The following TBX21 variants were observed in gnomAD, a reference collection of about 807,000 sequenced individuals.
TBX21 encodes T-box transcription factor 21, also known as T-box transcription factor TBX21.
A neutral mutation model predicts 52.2 loss-of-function variants in TBX21; 11 were observed. That is an observed-to-expected ratio of 0.21 (90% CI 0.13 to 0.35). The LOEUF (loss-of-function observed/expected upper bound fraction) is 0.35. Ranked by LOEUF, TBX21 falls within the 10% of genes least tolerant of loss-of-function variation. The pLI is 1.00. For missense variants in TBX21, 625 were observed against 755.1 expected (o/e 0.83, Z 2.02); for synonymous variants, 300 against 316.1 (o/e 0.95, Z 0.54).
chr17:47,734,784 C>G (rs1034529218), intron 1 of TBX21, among the ~76,000 whole-genome samples: 3 of 151,814 alleles, frequency 2.0e-5, no homozygotes, highest in African/African-American at 7.3e-5. Flanking sequence ...AAAACCTTCC[C>G]CACACTCCTG....
Position 47,733,358 on chromosome 17 carries a change from C to T in TBX21, c.-97C>T. On this transcript the variant is annotated 5_prime_UTR_variant, in exon 1 of 6. Transcript: ENST00000177694. The surrounding 1 kb of genome is among the most constrained non-coding windows in gnomAD (Gnocchi z 6.6). The stretch of plus-strand genomic sequence containing the variant: ...GTCCCCCACCCGGCCCTCGGGTCCC[C>T]CGCCCCCTGCTCCCTGCCCATCCCA... The T allele has an allele frequency of 7.4e-7, 1 of 1,342,882 alleles. No homozygotes were observed. The highest frequency in any genetic ancestry group is 9.5e-7 in the Non-Finnish European group (1 of 1,050,158). The allele number at this position is 1,342,882 out of a possible 1,614,324, so 83.2% of individuals were successfully genotyped here. A position where few individuals can be genotyped will look rare whatever the true frequency, so the allele number is the denominator to read the frequency against.
chr17:47,733,716 G>A lies in TBX21; in HGVS notation c.262G>A (p.Gly88Ser). ...PPRPQAAGFPGAGESFPPPAD... is the reference protein window; with the variant it reads ...PPRPQAAGFPSAGESFPPPAD... ...GCGACCCCAGGCGGCCGGCTTCCCC[G>A]GCGCGGGCGAGTCCTTCCCGCCGCC... is the stretch of plus-strand genomic sequence containing the variant. The change falls in exon 1 of 6, where the codon GGC becomes AGC. Residue 88 changes from glycine to serine, a missense_variant. Physicochemically the swap from Gly to Ser is moderately conservative, Grantham distance 56. Around this residue, in one of 4 missense-constraint regions of TBX21, gnomAD observed 221 missense variants for 204.9 expected, o/e 1.08. Coordinates refer to ENST00000177694, the MANE Select transcript of TBX21 (RefSeq NM_013351.2). This position sits in a 1 kb window ranked among gnomAD's most constrained non-coding sequence, Gnocchi z 6.6. The A allele has an allele frequency of 7.1e-7, 1 of 1,415,512 alleles. No homozygotes were observed. Among genetic ancestry groups the A allele is most frequent in the Non-Finnish European group, 9.2e-7 (1 of 1,085,532 alleles). The allele number at this position is 1,415,512 out of a possible 1,614,324, so 87.7% of individuals were successfully genotyped here. A position where few individuals can be genotyped will look rare whatever the true frequency, so the allele number is the denominator to read the frequency against.
At position 47,742,469 on chromosome 17, in the gene TBX21, C is replaced by A; in HGVS notation, c.492-141C>A. 1 of 1,007,226 alleles carries A rather than the reference C, an allele frequency of 9.9e-7. No homozygotes were observed. The allele number at this position is 1,007,226 out of a possible 1,614,324, so 62.4% of individuals were successfully genotyped here. A position where few individuals can be genotyped will look rare whatever the true frequency, so the allele number is the denominator to read the frequency against. On this transcript the variant is annotated intron_variant, in intron 1 of 5. Transcript: ENST00000177694. This position sits in a 1 kb window ranked among gnomAD's most constrained non-coding sequence, Gnocchi z 4.4. ...GTGTTTAACCACTGGCTGGCAAACT[C>A]CCTAAACACCTTCCAGCTGGTTCTT...
At chr17:47,734,614 TGTGTGTGG>T (rs1230633510) in intron 1 of TBX21, among the ~76,000 whole-genome samples, 192 of 111,206 alleles carry the variant, frequency 1.7e-3, no homozygotes, top group African/African-American at 4.1e-3. Flanking sequence ...TGTGTGTATG[TGTGTGTGG>T]GTGTGTGTGT....
Position 47,745,260 on chromosome 17 carries a change from G to A in TBX21, c.1502G>A (p.Arg501His), listed in dbSNP as rs769911299. Residue 501 changes from arginine to histidine, a missense_variant, in exon 6 of 6, where the codon CGC becomes CAC. Around this residue, in one of 4 missense-constraint regions of TBX21, gnomAD observed 261 missense variants for 275.1 expected, o/e 0.95. Coordinates refer to ENST00000177694, the MANE Select transcript of TBX21 (RefSeq NM_013351.2). The part of the protein sequence containing the change: ...GLGEGDSKRR[R>H]VSPYPSSGDS... ...GGCGAAGGAGACTCTAAGAGGAGGC[G>A]CGTGTCCCCCTATCCTTCCAGTGGT... The A allele has an allele frequency of 1.9e-5, 30 of 1,614,112 alleles. No individual in the cohort carries two copies. The highest frequency in any genetic ancestry group is 2.2e-5 in the Non-Finnish European group (26 of 1,180,052).
rs771127193 is a variant in TBX21, at chr17:47,733,544, C to A, written c.90C>A (p.Asp30Glu). ...GSDEGRAPGA[D>E]PQHRYFYPEP... is the part of the protein sequence containing the mutation. ...ACGAGGGCCGGGCGCCTGGCGCCGA[C>A]CCGCAGCACCGCTACTTCTACCCGG... Residue 30 changes from aspartate (D) to glutamate (E), a missense_variant, in exon 1 of 6, where the codon GAC becomes GAA. Coordinates refer to ENST00000177694, the MANE Select transcript of TBX21 (RefSeq NM_013351.2). The surrounding 1 kb of genome is among the most constrained non-coding windows in gnomAD (Gnocchi z 6.6). The A allele has an allele frequency of 3.4e-5, 51 of 1,490,110 alleles. No homozygotes were observed. The highest frequency in any genetic ancestry group is 2.3e-5 in the Admixed American group (1 of 44,140). 92.3% of individuals were successfully genotyped at this position (1,490,110 alleles called of 1,614,324 possible). A position where few individuals can be genotyped will look rare whatever the true frequency, so the allele number is the denominator to read the frequency against.
At position 47,744,372 on chromosome 17, in the gene TBX21, C is replaced by T. The variant is rs774733009; in HGVS notation, c.927+19C>T. 1 of 1,614,166 alleles carries T rather than the reference C, an allele frequency of 6.2e-7. No individual in the cohort carries two copies. Among genetic ancestry groups the T allele is most frequent in the Non-Finnish European group, 8.5e-7 (1 of 1,179,998 alleles). ...TGCCGAGGTGAGGGCTGCCTGAGCC[C>T]CGGTGGGGAGGAGGGCAGAGTGGGG... On this transcript the variant is annotated intron_variant, in intron 4 of 5. Coordinates refer to ENST00000177694, the MANE Select transcript of TBX21 (RefSeq NM_013351.2).
rs2032162603 is a variant in TBX21 at position 47,733,453 on chromosome 17, G to A, written c.-2G>A. 1 of 1,484,584 alleles carries A rather than the reference G, an allele frequency of 6.7e-7. No homozygotes were observed. Among genetic ancestry groups the A allele is most frequent in the South Asian group, 1.3e-5 (1 of 78,606 alleles). The allele number at this position is 1,484,584 out of a possible 1,614,324, so 92.0% of individuals were successfully genotyped here. On this transcript the variant is annotated 5_prime_UTR_variant, in exon 1 of 6. Transcript: ENST00000177694. This position sits in a 1 kb window ranked among gnomAD's most constrained non-coding sequence, Gnocchi z 6.6. The stretch of plus-strand genomic sequence containing the variant: ...CTACGGGAAGGTGCCAGCCCGCCCC[G>A]GATGGGCATCGTGGAGCCGGGTTGC...
chr17:47,744,693 C>T, intron 5 of TBX21, 55 bp from the exon 6 acceptor site: 1 of 1,597,758 alleles, frequency 6.3e-7, no homozygotes, highest in Admixed American at 1.7e-5. Context: ...CAGGTAGGCT[C>T]ACAGGTGACT....
In TBX21 at chr17:47,745,471, C is replaced by T; in HGVS notation, c.*105C>T. On this transcript the variant is annotated 3_prime_UTR_variant, in exon 6 of 6. Transcript: ENST00000177694. ...CTGAGAAGGCCCCCGCTCCCTCTGG[C>T]CCTTCTCTGTTTAGTAGTTGGTTGG... is the stretch of plus-strand genomic sequence containing the variant. 6.8e-7 allele frequency: 1 copy of T among 1,461,964 alleles called. No individual in the cohort carries two copies. The highest frequency in any genetic ancestry group is 9.1e-7 in the Non-Finnish European group (1 of 1,100,080). The allele number at this position is 1,461,964 out of a possible 1,614,324, so 90.6% of individuals were successfully genotyped here. A position where few individuals can be genotyped will look rare whatever the true frequency, so the allele number is the denominator to read the frequency against.
At chr17:47,740,552 G>C (rs1354214773) in intron 1 of TBX21, among the ~76,000 whole-genome samples, 2 of 152,066 alleles carry the variant, frequency 1.3e-5, no homozygotes, top group Non-Finnish European at 2.9e-5. Context: ...TGGCCAACGT[G>C]AAACTCCATC....
Position 47,733,998 on chromosome 17 carries a change from A to G in TBX21, c.491+53A>G. The G allele has an allele frequency of 6.2e-7, 1 of 1,610,102 alleles. No individual in the cohort carries two copies. The highest frequency in any genetic ancestry group is 8.5e-7 in the Non-Finnish European group (1 of 1,178,348). ...CCTCTGTGCCCGCGCCGGAACAAGAACGTCTCGTCTGTTTTTCTGGCTCGA... is the reference window on the plus strand; with the variant it reads ...CCTCTGTGCCCGCGCCGGAACAAGAGCGTCTCGTCTGTTTTTCTGGCTCGA... On this transcript the variant is annotated intron_variant, in intron 1 of 5. Transcript: ENST00000177694. The surrounding 1 kb of genome is among the most constrained non-coding windows in gnomAD (Gnocchi z 6.6).
intron 1 of TBX21, among the ~76,000 whole-genome samples, chr17:47,734,474 CG>C (rs1249960562): frequency 6.7e-6 from 1 of 149,414 alleles, no homozygotes; most frequent in Non-Finnish European, 1.5e-5. Context: ...TGTGTGTGTA[CG>C]GGGGGAGATT....
chr17:47,744,073 G>A (rs561912663), intron 3 of TBX21, 122 bp from the exon 4 acceptor site: 1 of 1,259,030 alleles, frequency 7.9e-7, no homozygotes, highest in Non-Finnish European at 1.1e-6. Flanking sequence ...GCAGAGCAGG[G>A]GAATGGACAG....
rs1328470186 is a variant in TBX21, at chr17:47,733,939, A to G, written c.485A>G (p.Gln162Arg). The G allele has an allele frequency of 6.2e-7, 1 of 1,613,262 alleles. No homozygotes were observed. Among genetic ancestry groups the G allele is most frequent in the East Asian group, 2.2e-5 (1 of 44,830 alleles). Reference protein sequence around the residue: ...QHQTEMIITKQGRRMFPFLSF... With the variant: ...QHQTEMIITKRGRRMFPFLSF... Reference sequence around the variant, plus strand: ...CAGACAGAGATGATCATCACCAAGCAGGGACGGTGAGTGCGGCGCGCCGGC... The same window carrying G: ...CAGACAGAGATGATCATCACCAAGCGGGGACGGTGAGTGCGGCGCGCCGGC... Residue 162 changes from glutamine (Q) to arginine (R), a missense_variant, in exon 1 of 6, where the codon CAG becomes CGG. Gln to Arg is a conservative substitution (Grantham distance 43, BLOSUM62 1). This residue lies in a region of TBX21 where 142 missense variants were observed against 258.5 expected (regional missense o/e 0.55). Coordinates refer to ENST00000177694, the MANE Select transcript of TBX21 (RefSeq NM_013351.2). The surrounding 1 kb of genome is among the most constrained non-coding windows in gnomAD (Gnocchi z 6.6).
chr17:47,738,156 A>AT (rs1162030188), intron 1 of TBX21, among the ~76,000 whole-genome samples: 7 of 151,870 alleles, frequency 4.6e-5, no homozygotes, highest in African/African-American at 9.7e-5. Context: ...AACAACTTTA[A>AT]TTAAAAATTT....
At chr17:47,735,207 C>T (rs2032195388) in intron 1 of TBX21, among the ~76,000 whole-genome samples, 2 of 152,088 alleles carry the variant, frequency 1.3e-5, no homozygotes, top group South Asian at 4.1e-4. Context: ...GGTATTCGAT[C>T]TGGGCATTGC....
chr17:47,744,392 G>A, intron 4 of TBX21, 39 bp downstream of exon 4: 1 of 1,614,116 alleles, frequency 6.2e-7, no homozygotes, highest in East Asian at 2.2e-5. Context: ...GGAGGGCAGA[G>A]TGGGGCCCAC....
At position 47,744,968 on chromosome 17, in the gene TBX21, A is replaced by C. The variant is rs1325201794; in HGVS notation, c.1210A>C (p.Met404Leu). 6.2e-7 allele frequency: 1 copy of C among 1,613,914 alleles called. No individual in the cohort carries two copies. The highest frequency in any genetic ancestry group is 2.2e-5 in the East Asian group (1 of 44,874). ...SYEAEFRAVS[M>L]KPAFLPSAPG... is the part of the protein sequence containing the mutation. ...TGAGGCTGAGTTTCGAGCAGTCAGC[A>C]TGAAGCCTGCATTCTTGCCCTCTGC... is the stretch of plus-strand genomic sequence containing the variant. Residue 404 changes from methionine (M) to leucine (L), a missense_variant, in exon 6 of 6, where the codon ATG (methionine) becomes CTG (leucine). Met to Leu is a conservative substitution (Grantham distance 15). Transcript: ENST00000177694.
Sources: allele counts gnomAD v4.1 joint callset (sites outside exome capture counted in the v4.1 genomes callset), GRCh38; gene constraint gnomAD v4.1.1; regional missense constraint gnomAD v4.1.1; non-coding constraint Gnocchi (gnomAD v3.1); transcripts MANE v1.5; gene names NCBI Gene and HGNC (gene_info 2026-07-23, HGNC 2026-07-21).